CHD3: variants seen among roughly 807,000 people sequenced by gnomAD.
The protein encoded by CHD3 is ATP-dependent chromatin remodeler CHD3.
Under a neutral mutation model 248.9 loss-of-function variants are expected in CHD3, and 52 were observed. That is an observed-to-expected ratio of 0.21 (90% CI 0.17 to 0.26). CHD3 has a LOEUF of 0.26. Ranked by LOEUF, CHD3 falls within the 10% of genes least tolerant of loss-of-function variation. The probability of loss-of-function intolerance (pLI) is 1.00; values close to 1 mark genes in which losing one functional copy is unlikely to be tolerated. For synonymous variants in CHD3, 985 were observed against 985.2 expected, an observed-to-expected ratio of 1.00 and a Z score of 0.00; for missense variants, 1,482 against 2,605.8, an observed-to-expected ratio of 0.57 and a Z score of 9.39.
Position 7,890,582 on chromosome 17 carries a change from G to A in CHD3, c.225G>A (p.Glu75=), listed in dbSNP as rs752437456. Reference sequence around the variant, plus strand: ...TTTCTTTCTCTTAGGACAGTGAGGAGGAATTTGGTTCTGAGCGAGATGAGT... The same window carrying A: ...TTTCTTTCTCTTAGGACAGTGAGGAAGAATTTGGTTCTGAGCGAGATGAGT... ...PRKRKKRDSE[E]EFGSERDEYR... The change falls in exon 3 of 40, where the codon GAG becomes GAA. Residue 75 remains glutamate (E), a synonymous_variant. Coordinates refer to ENST00000330494, the MANE Select transcript of CHD3 (RefSeq NM_001005273.3). The A allele has an allele frequency of 6.3e-7, 1 of 1,586,428 alleles. No individual in the cohort carries two copies. Among genetic ancestry groups the A allele is most frequent in the Non-Finnish European group, 8.5e-7 (1 of 1,171,012 alleles).
At position 7,907,865 on chromosome 17, in the gene CHD3, T is replaced by A; in HGVS notation, c.5027-29T>A. 1.2e-6 allele frequency: 2 copies of A among 1,600,110 alleles called. No homozygotes were observed. Among genetic ancestry groups the A allele is most frequent in the Non-Finnish European group, 1.7e-6 (2 of 1,170,828 alleles). ...GACCTGGGAGGAGGGTGTCCTGAGG[T>A]GTGAGCTTTGACCTGTCTGTCCTAG... On this transcript the variant is annotated intron_variant, in intron 33 of 39. Transcript: ENST00000330494. The surrounding 1 kb of genome is among the most constrained non-coding windows in gnomAD (Gnocchi z 4.3).
Position 7,908,812 on chromosome 17 carries a change from C to T in CHD3, c.5377C>T (p.Leu1793=), listed in dbSNP as rs751901666. ...GNFLEMKNKF[L]ARRFKLLEQA... is the part of the protein sequence containing the mutation. ...CTTTCTGGAGATGAAAAATAAGTTC[C>T]TGGCCCGGAGGTTCAAGGTGGGAAT... is the stretch of plus-strand genomic sequence containing the variant. Residue 1793 remains leucine, a synonymous_variant, in exon 36 of 40, where the codon CTG becomes TTG. Coordinates refer to ENST00000330494, the MANE Select transcript of CHD3 (RefSeq NM_001005273.3). The surrounding 1 kb of genome is among the most constrained non-coding windows in gnomAD (Gnocchi z 5.8). 4 of 1,614,146 alleles carry T rather than the reference C, an allele frequency of 2.5e-6. No homozygotes were observed. Among genetic ancestry groups the T allele is most frequent in the South Asian group, 1.1e-5 (1 of 91,082 alleles).
In CHD3 at chr17:7,909,636, A is replaced by G; in HGVS notation, c.5590+298A>G. ...GCCTCTTCACTGGCAGTGGAACTGC[A>G]TGCCTGCCATACTGCTTAACATCAT... On this transcript the variant is annotated intron_variant, in intron 37 of 39. Coordinates refer to ENST00000330494, the MANE Select transcript of CHD3 (RefSeq NM_001005273.3). This position sits in a 1 kb window ranked among gnomAD's most constrained non-coding sequence, Gnocchi z 8.1. The G allele has an allele frequency of 2.1e-6, 1 of 470,358 alleles. No individual in the cohort carries two copies. The highest frequency in any genetic ancestry group is 2.9e-5 in the South Asian group (1 of 34,008). The allele number at this position is 470,358 out of a possible 1,614,324, so 29.1% of individuals were successfully genotyped here. A position where few individuals can be genotyped will look rare whatever the true frequency, so the allele number is the denominator to read the frequency against.
At chr17:7,896,761 C>T (rs1001177178) in intron 10 of CHD3, among the ~76,000 whole-genome samples, 3 of 152,038 alleles carry the variant, frequency 2.0e-5, no homozygotes, top group Non-Finnish European at 4.4e-5. Context: ...TGCATTCAAG[C>T]GATTCTCCTG....
chr17:7,896,289 T>C (rs1007640413), intron 10 of CHD3, among the ~76,000 whole-genome samples: 1 of 151,848 alleles, frequency 6.6e-6, no homozygotes, highest in Middle Eastern at 3.4e-3. Flanking sequence ...TATCTCTTGC[T>C]TGTAAGAGCC....
Position 7,910,373 on chromosome 17 carries a change from C to T in CHD3, c.5591-55C>T, listed in dbSNP as rs1971497750. The T allele has an allele frequency of 1.2e-6, 2 of 1,610,334 alleles. No individual in the cohort carries two copies. Among genetic ancestry groups the T allele is most frequent in the Admixed American group, 1.7e-5 (1 of 59,980 alleles). ...GATGCCTCTCTTTTCCTGGCTCCATCTCTGTATTTCCCTGTCTTTCTCTTG... is the reference window on the plus strand; with the variant it reads ...GATGCCTCTCTTTTCCTGGCTCCATTTCTGTATTTCCCTGTCTTTCTCTTG... On this transcript the variant is annotated intron_variant, in intron 37 of 39. Transcript: ENST00000330494. This position sits in a 1 kb window ranked among gnomAD's most constrained non-coding sequence, Gnocchi z 4.7.
Position 7,896,408 on chromosome 17 carries a change from A to AT in CHD3, c.1708-660dup, listed in dbSNP as rs199832347. Among the ~76,000 whole-genome samples, 808 of 121,102 alleles carry AT rather than the reference A, an allele frequency of 6.7e-3. 11 individuals carry two copies. The highest frequency in any genetic ancestry group is 0.032 in the East Asian group (141 of 4,402). The allele number at this position is 121,102 out of a possible 152,430, so 79.4% of individuals were successfully genotyped here. A position where few individuals can be genotyped will look rare whatever the true frequency, so the allele number is the denominator to read the frequency against. The stretch of plus-strand genomic sequence containing the variant: ...ATCCATCCTTTTTCTTTTTTTTTCT[A>AT]TTTTTTTTTTTTTTTAGATGGAGTT... On this transcript the variant is annotated intron_variant, in intron 10 of 39. Transcript: ENST00000330494.
rs1969767706 is a variant in CHD3 at position 7,897,031 on chromosome 17, T to C, written c.1708-52T>C. 1 of 1,487,366 alleles carries C rather than the reference T, an allele frequency of 6.7e-7. No individual in the cohort carries two copies. The highest frequency in any genetic ancestry group is 1.4e-5 in the African/African-American group (1 of 72,406). The allele number at this position is 1,487,366 out of a possible 1,614,324, so 92.1% of individuals were successfully genotyped here. On this transcript the variant is annotated intron_variant, in intron 10 of 39. Coordinates refer to ENST00000330494, the MANE Select transcript of CHD3 (RefSeq NM_001005273.3). The surrounding 1 kb of genome is among the most constrained non-coding windows in gnomAD (Gnocchi z 4.8). ...CCGGCCTCTTCCCGGTTCCTTGTTG[T>C]CCTCTGTGAGTGTCAGGACTATCTC...
chr17:7,893,760 C>T (rs1397236602), intron 5 of CHD3, 45 bp from the exon 6 acceptor site: 2 of 1,604,884 alleles, frequency 1.2e-6, no homozygotes, highest in East Asian at 4.5e-5. Flanking sequence ...TCCAGGATGT[C>T]ATGACCTCTC....
Position 7,889,909 on chromosome 17 carries a change from C to T in CHD3, c.213+133C>T. 1 of 793,040 alleles carries T rather than the reference C, an allele frequency of 1.3e-6. No individual in the cohort carries two copies. The allele number at this position is 793,040 out of a possible 1,614,324, so 49.1% of individuals were successfully genotyped here. ...CCAGGGAGGCTTGATCCCCCGGGCCCCCCACTTCCCTGCCACTGTTGGCCT... is the reference window on the plus strand; with the variant it reads ...CCAGGGAGGCTTGATCCCCCGGGCCTCCCACTTCCCTGCCACTGTTGGCCT... On this transcript the variant is annotated intron_variant, in intron 2 of 39. Transcript: ENST00000330494. The surrounding 1 kb of genome is among the most constrained non-coding windows in gnomAD (Gnocchi z 4.5).
chr17:7,892,980 CT>C lies in CHD3; in HGVS notation c.510-303del. ...AATTTTTTGTAGAGACAGGATCTCACTTTGTTGCCCAGGCTTATCTCATAGC... is the reference window on the plus strand; with the variant it reads ...AATTTTTTGTAGAGACAGGATCTCACTTGTTGCCCAGGCTTATCTCATAGC... On this transcript the variant is annotated intron_variant, in intron 4 of 39. Transcript: ENST00000330494. 2.6e-5 allele frequency among the ~76,000 whole-genome samples: 4 copies of C among 152,040 alleles called. No homozygotes were observed. In the East Asian group the frequency reaches 7.7e-4, roughly 29 times the overall value.
rs760436956 is a variant in CHD3, at chr17:7,890,665, G to A, written c.308G>A (p.Arg103Gln). Residue 103 changes from arginine to glutamine, a missense_variant, in exon 3 of 40, where the codon CGA (arginine) becomes CAA (glutamine). Transcript: ENST00000330494. ...SEYGTGPGRK[R>Q]RRKHREKKEK... ...TATGGAACCGGACCGGGTCGGAAAC[G>A]AAGAAGGAAGCACCGAGAAAAAAAG... 1.6e-5 allele frequency: 26 copies of A among 1,608,148 alleles called. No homozygotes were observed. Among genetic ancestry groups the A allele is most frequent in the Non-Finnish European group, 2.1e-5 (25 of 1,178,238 alleles).
At position 7,900,365 on chromosome 17, in the gene CHD3, G is replaced by C. The variant is rs777268484; in HGVS notation, c.2758G>C (p.Glu920Gln). ...LTGTPLQNNLEELFHLLNFLT... is the reference protein window; with the variant it reads ...LTGTPLQNNLQELFHLLNFLT... ...AGGAACCCCATTGCAGAATAATCTG[G>C]AGGAGCTCTTCCATCTCCTGAACTT... The change falls in exon 17 of 40, where the codon GAG becomes CAG. Residue 920 changes from glutamate (E) to glutamine (Q), a missense_variant. Physicochemically the swap from Glu to Gln is conservative, Grantham distance 29 (BLOSUM62 2). Coordinates refer to ENST00000330494, the MANE Select transcript of CHD3 (RefSeq NM_001005273.3). This position sits in a 1 kb window ranked among gnomAD's most constrained non-coding sequence, Gnocchi z 6.5. 6.2e-7 allele frequency: 1 copy of C among 1,614,120 alleles called. No individual in the cohort carries two copies. The highest frequency in any genetic ancestry group is 8.5e-7 in the Non-Finnish European group (1 of 1,180,000).
rs1301192550 is a variant in CHD3, at chr17:7,889,255, A to C, written c.100+155A>C. 6.6e-6 allele frequency among the ~76,000 whole-genome samples: 1 copy of C among 152,232 alleles called. No homozygotes were observed. Among genetic ancestry groups the C allele is most frequent in the East Asian group, 1.9e-4 (1 of 5,198 alleles). On this transcript the variant is annotated intron_variant, in intron 1 of 39. Transcript: ENST00000330494. This position sits in a 1 kb window ranked among gnomAD's most constrained non-coding sequence, Gnocchi z 4.5. ...TGCCAGCTTGTGTCTCCCCACTCCA[A>C]GTGCTGGGGTCAGGCCAGGCCAGCA...
Position 7,911,000 on chromosome 17 carries a change from C to A in CHD3, c.5881+27C>A. On this transcript the variant is annotated intron_variant, in intron 39 of 39. Transcript: ENST00000330494. The surrounding 1 kb of genome is among the most constrained non-coding windows in gnomAD (Gnocchi z 4.7). ...TCAGCTGGTGTTTTCCTACCCCCTG[C>A]TACTCACACTCCTCCTTTGCCAAAC... 1 of 1,611,614 alleles carries A rather than the reference C, an allele frequency of 6.2e-7. No individual in the cohort carries two copies. The highest frequency in any genetic ancestry group is 1.1e-5 in the South Asian group (1 of 90,748).
Position 7,905,789 on chromosome 17 carries a change from G to A in CHD3, c.4225-67G>A. ...GGAAGTTGGTGCCTGGATCACTGAAGGTAGAAAGGACAAGACCTAAGAACC... is the reference window on the plus strand; with the variant it reads ...GGAAGTTGGTGCCTGGATCACTGAAAGTAGAAAGGACAAGACCTAAGAACC... On this transcript the variant is annotated intron_variant, in intron 27 of 39. Transcript: ENST00000330494. This position sits in a 1 kb window ranked among gnomAD's most constrained non-coding sequence, Gnocchi z 5.8. 8 of 1,613,938 alleles carry A rather than the reference G, an allele frequency of 5.0e-6. No individual in the cohort carries two copies. The highest frequency in any genetic ancestry group is 6.8e-6 in the Non-Finnish European group (8 of 1,179,826).
At position 7,897,841 on chromosome 17, in the gene CHD3, A is replaced by T. The variant is rs914788959; in HGVS notation, c.1920-130A>T. On this transcript the variant is annotated intron_variant, in intron 11 of 39. Transcript: ENST00000330494. The surrounding 1 kb of genome is among the most constrained non-coding windows in gnomAD (Gnocchi z 4.8). ...CAACTATTCCAATCTCCCTTCCAGC[A>T]GCTCACTGTTGACGGTTGGGTGACA... 3 of 942,700 alleles carry T rather than the reference A, an allele frequency of 3.2e-6. No homozygotes were observed. The African/African-American group carries it at 4.9e-5, about 16-fold the overall frequency. 58.4% of individuals were successfully genotyped at this position (942,700 alleles called of 1,614,324 possible). A position where few individuals can be genotyped will look rare whatever the true frequency, so the allele number is the denominator to read the frequency against.
chr17:7,894,856 T>C, intron 8 of CHD3, 61 bp from the exon 9 acceptor site: 1 of 1,592,124 alleles, frequency 6.3e-7, no homozygotes, highest in South Asian at 1.1e-5. Context: ...TTTGCCTGTA[T>C]CTTCCAGTTT....
rs1474891641 is a variant in CHD3, at chr17:7,901,017, G to A, written c.3120+24G>A. ...TGGTAGATACACAGAGCAGGGAGCT[G>A]ATCGAACGCCCATTCTCAGAAAACA... On this transcript the variant is annotated intron_variant, in intron 19 of 39. Coordinates refer to ENST00000330494, the MANE Select transcript of CHD3 (RefSeq NM_001005273.3). 2.5e-6 allele frequency: 4 copies of A among 1,604,808 alleles called. No individual in the cohort carries two copies. The East Asian group carries it at 6.7e-5, about 27-fold the overall frequency.
Sources: gnomAD v4.1 joint callset for allele counts (sites outside exome capture counted in the v4.1 genomes callset) on GRCh38, gnomAD v4.1.1 for gene constraint, Gnocchi (gnomAD v3.1) non-coding constraint, MANE v1.5 for transcripts, NCBI Gene and HGNC (gene_info 2026-07-23, HGNC 2026-07-21) for gene names.